The following MCTP2 variants were observed in gnomAD, a reference collection of about 807,000 sequenced individuals.
MCTP2 encodes multiple C2 and transmembrane domain-containing protein 2.
MCTP2 carries 132 observed loss-of-function variants against 111.6 expected under a neutral mutation model. The observed-to-expected ratio is 1.18, with a 90% CI of 1.03 to 1.37. The LOEUF (loss-of-function observed/expected upper bound fraction) is 1.37, where lower values mean the gene tolerates loss of function less well. MCTP2 is among the 40% of genes most tolerant of loss of function. The pLI is 0.00. For synonymous variants in MCTP2, 395 were observed against 387.7 expected (o/e 1.02, Z -0.22); for missense variants, 1,183 against 1,067.9 (o/e 1.11, Z -1.50).
At chr15:94,388,411 C>A (rs906133627) in intron 14 of MCTP2, among the ~76,000 whole-genome samples, 3 of 152,148 alleles carry the variant, frequency 2.0e-5, no homozygotes, top group African/African-American at 7.2e-5. Flanking sequence ...TCTGTGTGGG[C>A]TCTCCCTGAA....
intron 1 of MCTP2, among the ~76,000 whole-genome samples, chr15:94,270,570 C>T (rs2073855183): frequency 6.6e-6 from 1 of 152,252 alleles, no homozygotes; most frequent in Middle Eastern, 3.4e-3. Context: ...CTCTGGCTCT[C>T]TTCCAACCAC....
chr15:94,245,505 T>C (rs1000203466), intron 1 of MCTP2, among the ~76,000 whole-genome samples: 6 of 141,032 alleles, frequency 4.3e-5, no homozygotes, highest in South Asian at 2.2e-4. Flanking sequence ...TATTTATATA[T>C]GTATACATAT....
At chr15:94,285,510 A>AT (rs1485867314) in intron 1 of MCTP2, among the ~76,000 whole-genome samples, 5 of 114,842 alleles carry the variant, frequency 4.4e-5, no homozygotes, top group African/African-American at 1.3e-4. Flanking sequence ...TTGCTTCACA[A>AT]TTTATTTTTT....
intron 2 of MCTP2, among the ~76,000 whole-genome samples, chr15:94,306,355 A>G (rs1378057611): frequency 6.6e-6 from 1 of 152,088 alleles, no homozygotes; most frequent in Non-Finnish European, 1.5e-5. Context: ...AACATTGCTT[A>G]TTTTTCAGAA....
chr15:94,348,175 C>T (rs1440991223), intron 8 of MCTP2, among the ~76,000 whole-genome samples: 1 of 151,562 alleles, frequency 6.6e-6, no homozygotes, highest in Non-Finnish European at 1.5e-5. Context: ...AATTGTTGGC[C>T]TGTTTGGTTT....
chr15:94,437,023 A>T (rs1005451131), intron 17 of MCTP2, among the ~76,000 whole-genome samples: 2 of 112,324 alleles, frequency 1.8e-5, no homozygotes, highest in Admixed American at 1.8e-4. Flanking sequence ...ATAGGAACAG[A>T]TTATATATTT....
chr15:94,461,331 A>G (rs1354143095), intron 20 of MCTP2, among the ~76,000 whole-genome samples: 2 of 151,872 alleles, frequency 1.3e-5, no homozygotes, highest in South Asian at 2.1e-4. Context: ...ATGGTGGCAC[A>G]TGCCTGTAAT....
At chr15:94,458,385 G>T in intron 20 of MCTP2, 139 bp downstream of exon 20, 1 of 615,474 alleles carries the variant, frequency 1.6e-6, no homozygotes, top group Non-Finnish European at 3.0e-6. Context: ...GGTTAGCACT[G>T]TCTGACTTCA....
intron 4 of MCTP2, among the ~76,000 whole-genome samples, chr15:94,337,148 G>C (rs1423237367): frequency 6.6e-6 from 1 of 152,114 alleles, no homozygotes; most frequent in Non-Finnish European, 1.5e-5. Context: ...AAATCACAAT[G>C]TGCTCCCCCT....
intron 13 of MCTP2, among the ~76,000 whole-genome samples, chr15:94,384,651 C>T (rs139982431): frequency 1.4e-3 from 217 of 152,236 alleles, no homozygotes; most frequent in African/African-American, 4.5e-3. Flanking sequence ...TTTCAAGGCA[C>T]CTGAACATTG....
At chr15:94,319,590 C>G (rs1019426326) in intron 4 of MCTP2, among the ~76,000 whole-genome samples, 7 of 152,170 alleles carry the variant, frequency 4.6e-5, no homozygotes, top group African/African-American at 1.7e-4. Flanking sequence ...AACCTTTGCT[C>G]TAGGCAGTCC....
Position 94,479,167 on chromosome 15 carries a change from C to T in MCTP2, c.*133C>T. ...CTGTGGCACCCTCTGTATACTTCCT[C>T]CTCCTTCACGTGCACAGACATACAC... On this transcript the variant is annotated 3_prime_UTR_variant, in exon 23 of 23. Coordinates refer to ENST00000357742, the MANE Select transcript of MCTP2 (RefSeq NM_001385001.1). 2 of 807,482 alleles carry T rather than the reference C, an allele frequency of 2.5e-6. No homozygotes were observed. The highest frequency in any genetic ancestry group is 2.1e-6 in the Non-Finnish European group (1 of 471,526). 50.0% of individuals were successfully genotyped at this position (807,482 alleles called of 1,614,324 possible).
intron 19 of MCTP2, among the ~76,000 whole-genome samples, chr15:94,455,282 C>T (rs143787412): frequency 2.9e-4 from 44 of 152,256 alleles, no homozygotes; most frequent in African/African-American, 1.1e-3. Context: ...AGGAAAAGTT[C>T]CTGTGAATGA....
intron 20 of MCTP2, among the ~76,000 whole-genome samples, chr15:94,470,124 G>C (rs1032239042): frequency 6.6e-6 from 1 of 152,132 alleles, no homozygotes; most frequent in Non-Finnish European, 1.5e-5. Context: ...CAAATTGAAT[G>C]GCAATTGGTT....
chr15:94,353,533 C>T (rs2078433123), intron 8 of MCTP2, among the ~76,000 whole-genome samples: 1 of 152,212 alleles, frequency 6.6e-6, no homozygotes, highest in South Asian at 2.1e-4. Flanking sequence ...GGGCATATTT[C>T]ATGGAAGTGC....
At chr15:94,423,623 TTAAA>T (rs1462898183) in intron 17 of MCTP2, among the ~76,000 whole-genome samples, 2 of 152,204 alleles carry the variant, frequency 1.3e-5, no homozygotes, top group Non-Finnish European at 2.9e-5. Flanking sequence ...AAAACTGTAT[TTAAA>T]TAAGGCAAAA....
At chr15:94,243,960 TACACAC>T (rs200181169) in intron 1 of MCTP2, among the ~76,000 whole-genome samples, 2 of 147,162 alleles carry the variant, frequency 1.4e-5, no homozygotes, top group Admixed American at 6.7e-5. Context: ...TGTATATATT[TACACAC>T]ACATATGTAT....
intron 17 of MCTP2, among the ~76,000 whole-genome samples, chr15:94,420,117 A>C (rs2082555029): frequency 6.6e-6 from 1 of 152,134 alleles, no homozygotes; most frequent in Admixed American, 6.6e-5. Flanking sequence ...TGTGCTCTAT[A>C]AATGGAACAA....
rs1453962999 is a variant in MCTP2 at position 94,390,070 on chromosome 15, A to ACGTG, written c.1788+4545_1788+4546insCGTG. Among the ~76,000 whole-genome samples the ACGTG allele has an allele frequency of 9.2e-3, 110 of 11,974 alleles. 3 individuals are homozygous for ACGTG. Among genetic ancestry groups the ACGTG allele is most frequent in the Middle Eastern group, 0.038 (1 of 26 alleles). The allele number at this position is 11,974 out of a possible 152,430, so 7.9% of individuals were successfully genotyped here. On this transcript the variant is annotated intron_variant, in intron 14 of 22. Transcript: ENST00000357742. ...AAGGCATATATATATATATATATAT[A>ACGTG]TATATATATATATATATATGTATAT...
Sources: allele counts gnomAD v4.1 joint callset (sites outside exome capture counted in the v4.1 genomes callset), GRCh38; gene constraint gnomAD v4.1.1; transcripts MANE v1.5; gene names NCBI Gene and HGNC (gene_info 2026-07-23, HGNC 2026-07-21).